Variants in MRPL19 observed in about 807,000 individuals in gnomAD.
MRPL19 encodes large ribosomal subunit protein bL19m.
In MRPL19, 31 loss-of-function variants were observed where a neutral mutation model predicts 34.0. The ratio of observed to expected loss-of-function variants is 0.91; its 90% CI spans 0.68 to 1.23. MRPL19 has a LOEUF of 1.23. Ranked by LOEUF, MRPL19 falls within the 50% of genes most tolerant of loss-of-function variation. The probability of loss-of-function intolerance (pLI) is 0.00; values close to 1 mark genes in which losing one functional copy is unlikely to be tolerated. For synonymous variants in MRPL19, 152 were observed against 127.7 expected, an observed-to-expected ratio of 1.19 and a Z score of -1.28; for missense variants, 384 against 367.6, an observed-to-expected ratio of 1.04 and a Z score of -0.37.
chr2:75,656,766 T>C lies in MRPL19; in HGVS notation c.*1481T>C, dbSNP rs998081333. 6.6e-6 allele frequency: 1 copy of C among 152,158 alleles called. No individual in the cohort carries two copies. Among genetic ancestry groups the C allele is most frequent in the Non-Finnish European group, 1.5e-5 (1 of 68,028 alleles). The allele number at this position is 152,158 out of a possible 1,614,324, so 9.4% of individuals were successfully genotyped here. On this transcript the variant is annotated 3_prime_UTR_variant, in exon 6 of 6. Transcript: ENST00000393909. The stretch of plus-strand genomic sequence containing the variant: ...TTTATCCATTGTATTGGGTTTTAGG[T>C]GAACCCTTCCAGATAGTAACTCATT...
chr2:75,646,891 G>A lies in MRPL19; in HGVS notation c.84G>A (p.Pro28=), dbSNP rs753974870. The A allele has an allele frequency of 5.6e-6, 9 of 1,593,274 alleles. No homozygotes were observed. The highest frequency in any genetic ancestry group is 2.7e-5 in the African/African-American group (2 of 74,626). The change falls in exon 1 of 6, where the codon CCG becomes CCA. Residue 28 remains proline (P), a synonymous_variant. Coordinates refer to ENST00000393909, the MANE Select transcript of MRPL19 (RefSeq NM_014763.4). ...AAGCCGCCAGGACTCTGCTCCCCCC[G>A]CCGGCCTCTATCGCCTGCAGTAAGT... ...SFQAARTLLP[P]PASIACRVHA...
chr2:75,646,984 A>G, intron 1 of MRPL19, 74 bp downstream of exon 1: 1 of 1,486,478 alleles, frequency 6.7e-7, no homozygotes, highest in Non-Finnish European at 9.0e-7. Flanking sequence ...GAACCTGGAG[A>G]TCAGAGGCAA....
At position 75,659,049 on chromosome 2, in the gene MRPL19, T is replaced by C. The variant is rs1249804900; in HGVS notation, c.*3764T>C. Among the ~76,000 whole-genome samples, 1 of 152,136 alleles carries C rather than the reference T, an allele frequency of 6.6e-6. No homozygotes were observed. Among genetic ancestry groups the C allele is most frequent in the African/African-American group, 2.4e-5 (1 of 41,428 alleles). ...TAAGGAAGGACTTTCTTCTACCATT[T>C]AACACTTCTTCTATATGTCATATAC... On this transcript the variant is annotated 3_prime_UTR_variant, in exon 6 of 6. Transcript: ENST00000393909.
At position 75,657,749 on chromosome 2, in the gene MRPL19, A is replaced by G. The variant is rs1678494982; in HGVS notation, c.*2464A>G. ...TAAGTACAGGTGCTCAAAAACATGT[A>G]AACAATCATGCTTTTTACTCTGTAG... is the stretch of plus-strand genomic sequence containing the variant. On this transcript the variant is annotated 3_prime_UTR_variant, in exon 6 of 6. Transcript: ENST00000393909. 1.3e-5 allele frequency: 2 copies of G among 152,140 alleles called. No individual in the cohort carries two copies. Among genetic ancestry groups the G allele is most frequent in the South Asian group, 4.1e-4 (2 of 4,838 alleles). 9.4% of individuals were successfully genotyped at this position (152,140 alleles called of 1,614,324 possible).
rs1054972288 is a variant in MRPL19 at position 75,660,120 on chromosome 2, G to A, written c.*4835G>A. On this transcript the variant is annotated 3_prime_UTR_variant, in exon 6 of 6. Transcript: ENST00000393909. Reference sequence around the variant, plus strand: ...TTCAAGTTTGTTGATTCTTCTCCCTGTTCAGATCAACTGTTGAACTCCTCT... The same window carrying A: ...TTCAAGTTTGTTGATTCTTCTCCCTATTCAGATCAACTGTTGAACTCCTCT... Among the ~76,000 whole-genome samples, 2 of 151,322 alleles carry A rather than the reference G, an allele frequency of 1.3e-5. No individual in the cohort carries two copies. Among genetic ancestry groups the A allele is most frequent in the African/African-American group, 4.9e-5 (2 of 41,168 alleles).
chr2:75,646,813 G>C lies in MRPL19; in HGVS notation c.6G>C (p.Ala2=), dbSNP rs992405413. The change falls in exon 1 of 6, where the codon GCG becomes GCC. Residue 2 remains alanine (A), a synonymous_variant. Coordinates refer to ENST00000393909, the MANE Select transcript of MRPL19 (RefSeq NM_014763.4). ...CTTGACGTGAGCTAGCTGGCATGGC[G>C]GCCTGCATTGCAGCGGGGCACTGGG... The part of the protein sequence containing the change: M[A]ACIAAGHWAA... 2.6e-6 allele frequency: 4 copies of C among 1,527,524 alleles called. No individual in the cohort carries two copies. Among genetic ancestry groups the C allele is most frequent in the Non-Finnish European group, 3.5e-6 (4 of 1,136,268 alleles). 94.6% of individuals were successfully genotyped at this position (1,527,524 alleles called of 1,614,324 possible).
chr2:75,661,415 G>C lies in MRPL19; in HGVS notation c.*6130G>C, dbSNP rs554699810. 5.9e-4 allele frequency: 89 copies of C among 152,096 alleles called. No homozygotes were observed. Among genetic ancestry groups the C allele is most frequent in the African/African-American group, 2.0e-3 (84 of 41,448 alleles). 9.4% of individuals were successfully genotyped at this position (152,096 alleles called of 1,614,324 possible). ...GGCCTCAAGCCATCCTCTCATTTCA[G>C]CTTCCCAAAGTGCTGCAATTACACG... On this transcript the variant is annotated 3_prime_UTR_variant, in exon 6 of 6. Transcript: ENST00000393909.
rs957852512 is a variant in MRPL19, at chr2:75,659,325, A to G, written c.*4040A>G. Among the ~76,000 whole-genome samples, 3 of 152,164 alleles carry G rather than the reference A, an allele frequency of 2.0e-5. No individual in the cohort carries two copies. The highest frequency in any genetic ancestry group is 4.4e-5 in the Non-Finnish European group (3 of 68,002). On this transcript the variant is annotated 3_prime_UTR_variant, in exon 6 of 6. Coordinates refer to ENST00000393909, the MANE Select transcript of MRPL19 (RefSeq NM_014763.4). Reference sequence around the variant, plus strand: ...CTGCCCCCCTTATGTTATTGATGGCACAAATTGCCTAATAAATAATTTATA... The same window carrying G: ...CTGCCCCCCTTATGTTATTGATGGCGCAAATTGCCTAATAAATAATTTATA...
intron 2 of MRPL19, among the ~76,000 whole-genome samples, chr2:75,650,540 C>T (rs1458334031): frequency 6.6e-6 from 1 of 152,096 alleles, no homozygotes; most frequent in Non-Finnish European, 1.5e-5. Flanking sequence ...CTCACCTTGG[C>T]CAAAATGGGA....
Position 75,655,375 on chromosome 2 carries a change from T to C in MRPL19, c.*90T>C, listed in dbSNP as rs181632766. ...CAATTTAATTTCATTTATAAGAACATAGTAATTAAGTGAACTAAGCATTCA... is the reference window on the plus strand; with the variant it reads ...CAATTTAATTTCATTTATAAGAACACAGTAATTAAGTGAACTAAGCATTCA... On this transcript the variant is annotated 3_prime_UTR_variant, in exon 6 of 6. Coordinates refer to ENST00000393909, the MANE Select transcript of MRPL19 (RefSeq NM_014763.4). 2.8e-5 allele frequency: 27 copies of C among 964,460 alleles called. No individual in the cohort carries two copies. The highest frequency in any genetic ancestry group is 2.0e-4 in the African/African-American group (12 of 60,394). The allele number at this position is 964,460 out of a possible 1,614,324, so 59.7% of individuals were successfully genotyped here.
Position 75,655,007 on chromosome 2 carries a change from C to T in MRPL19, c.658-57C>T. On this transcript the variant is annotated intron_variant, in intron 5 of 5. Transcript: ENST00000393909. ...TGAAAACTTCAGAAGAATTTTTGCTCATGCCTATCAGCCTAATTATTGCTT... is the reference window on the plus strand; with the variant it reads ...TGAAAACTTCAGAAGAATTTTTGCTTATGCCTATCAGCCTAATTATTGCTT... 13 of 1,419,392 alleles carry T rather than the reference C, an allele frequency of 9.2e-6. No homozygotes were observed. The South Asian group carries it at 1.2e-4, about 13-fold the overall frequency. The allele number at this position is 1,419,392 out of a possible 1,614,324, so 87.9% of individuals were successfully genotyped here.
intron 1 of MRPL19, 33 bp from the exon 2 acceptor site, chr2:75,647,069 G>C: frequency 3.2e-6 from 5 of 1,551,104 alleles, no homozygotes; most frequent in Non-Finnish European, 4.4e-6. Flanking sequence ...GGGTTGGCAC[G>C]AGAGTTCTGA....
chr2:75,654,034 G>A (rs1328508259), intron 4 of MRPL19, among the ~76,000 whole-genome samples: 3 of 152,038 alleles, frequency 2.0e-5, no homozygotes, highest in South Asian at 2.1e-4. Context: ...TATTCTGTTC[G>A]TGCTGTTGTA....
At chr2:75,650,335 C>G (rs745623998) in intron 2 of MRPL19, among the ~76,000 whole-genome samples, 64 of 152,230 alleles carry the variant, frequency 4.2e-4, no homozygotes, top group South Asian at 8.3e-4. Flanking sequence ...CTTTGTAAGA[C>G]TTACACAATT....
intron 2 of MRPL19, among the ~76,000 whole-genome samples, chr2:75,649,782 A>T (rs1293272862): frequency 6.6e-6 from 1 of 151,848 alleles, no homozygotes; most frequent in African/African-American, 2.4e-5. Context: ...GGTGCCCGCC[A>T]CCATGCCTGG....
intron 2 of MRPL19, among the ~76,000 whole-genome samples, chr2:75,649,399 T>C (rs966076618): frequency 3.9e-5 from 6 of 152,084 alleles, no homozygotes; most frequent in African/African-American, 9.7e-5. Context: ...TTAAAACATA[T>C]GAGATTTTTT....
At chr2:75,653,638 G>A (rs944704665) in intron 4 of MRPL19, among the ~76,000 whole-genome samples, 3 of 152,116 alleles carry the variant, frequency 2.0e-5, no homozygotes, top group East Asian at 1.9e-4. Context: ...CTTCTTGTTC[G>A]GTGGCTTTGT....
intron 5 of MRPL19, 31 bp downstream of exon 5, chr2:75,654,948 C>A (rs776447788): frequency 6.4e-7 from 1 of 1,554,254 alleles, no homozygotes; most frequent in South Asian, 1.2e-5. Flanking sequence ...ACTAGAAGTT[C>A]AAGTATAAAA....
chr2:75,649,595 C>T (rs1027083657), intron 2 of MRPL19, among the ~76,000 whole-genome samples: 2 of 152,072 alleles, frequency 1.3e-5, no homozygotes, highest in Admixed American at 1.3e-4. Context: ...GGAGCAAGTC[C>T]TTATTCTTAG....
Sources: gnomAD v4.1 joint callset for allele counts (sites outside exome capture counted in the v4.1 genomes callset) on GRCh38, gnomAD v4.1.1 for gene constraint, MANE v1.5 for transcripts, NCBI Gene and HGNC (gene_info 2026-07-23, HGNC 2026-07-21) for gene names.